TES: variants seen among roughly 807,000 people sequenced by gnomAD.
The protein encoded by TES is testin LIM domain protein, also known as testin.
In TES, 41 loss-of-function variants were observed where a neutral mutation model predicts 48.2. The observed-to-expected ratio is 0.85, with a 90% CI of 0.66 to 1.10. The LOEUF is 1.10. Ranked by LOEUF, TES falls within the 50% of genes least tolerant of loss-of-function variation. TES has a pLI of 0.00. For synonymous variants in TES, 162 were observed against 174.9 expected (o/e 0.93, Z 0.58); for missense variants, 463 against 515.1 (o/e 0.90, Z 0.98).
chr7:116,233,272 C>T (rs554922849), intron 1 of TES, among the ~76,000 whole-genome samples: 96 of 152,258 alleles, frequency 6.3e-4, no homozygotes, highest in African/African-American at 2.0e-3. Flanking sequence ...CAATATCAGT[C>T]GTTGGGTAAA....
At chr7:116,217,942 T>G in intron 1 of TES, 1 of 503,300 alleles carries the variant, frequency 2.0e-6, no homozygotes. Flanking sequence ...TATAATTTTC[T>G]AAGTATCACT....
intron 2 of TES, 55 bp from the exon 3 acceptor site, chr7:116,248,965 C>A: frequency 6.8e-7 from 1 of 1,476,198 alleles, no homozygotes; most frequent in Admixed American, 2.3e-5. Flanking sequence ...AATGTATGAA[C>A]ATAAATATCA....
rs1483427778 is a variant in TES at position 116,234,544 on chromosome 7, G to T, written c.38G>T (p.Gly13Val). The T allele has an allele frequency of 6.2e-7, 1 of 1,613,780 alleles. No individual in the cohort carries two copies. Among genetic ancestry groups the T allele is most frequent in the South Asian group, 1.1e-5 (1 of 91,074 alleles). ...TTTTCTTTTTAACAGATGGGCTTAG[G>T]TCACGAGCAAGGATTTGGAGCCCCT... The part of the protein sequence containing the change: ...LENKVKKMGL[G>V]HEQGFGAPCL... The change falls in exon 2 of 7, where the codon GGT becomes GTT. Residue 13 changes from glycine to valine, a missense_variant. Physicochemically the swap from Gly to Val is moderately radical, Grantham distance 109. Coordinates refer to ENST00000358204, the MANE Select transcript of TES (RefSeq NM_015641.4).
At chr7:116,235,719 G>A (rs1799761604) in intron 2 of TES, among the ~76,000 whole-genome samples, 1 of 152,158 alleles carries the variant, frequency 6.6e-6, no homozygotes, top group African/African-American at 2.4e-5. Context: ...TAGGATGGCA[G>A]CTACCTTGTT....
At chr7:116,219,836 G>A (rs1166464194) in intron 1 of TES, among the ~76,000 whole-genome samples, 1 of 152,106 alleles carries the variant, frequency 6.6e-6, no homozygotes, top group African/African-American at 2.4e-5. Flanking sequence ...TATTCTGTAT[G>A]GTATCAGACT....
At chr7:116,234,917 G>A (rs1799748029) in intron 2 of TES, among the ~76,000 whole-genome samples, 1 of 152,070 alleles carries the variant, frequency 6.6e-6, no homozygotes, top group African/African-American at 2.4e-5. Context: ...TAAGTTTGTG[G>A]TAATCCTCCA....
intron 1 of TES, among the ~76,000 whole-genome samples, chr7:116,225,097 A>G (rs1193457521): frequency 6.6e-6 from 1 of 151,516 alleles, no homozygotes; most frequent in African/African-American, 2.4e-5. Context: ...TAACATTTTA[A>G]CAAACGGTGG....
chr7:116,210,749 G>A lies in TES; in HGVS notation c.27+15G>A. ...AAGTGAAGAAGGTAGGGGGGCGCTC[G>A]TGGCGGGCGGCGGCTGCTTCACCTG... On this transcript the variant is annotated intron_variant, in intron 1 of 6. Coordinates refer to ENST00000358204, the MANE Select transcript of TES (RefSeq NM_015641.4). 1 of 1,240,834 alleles carries A rather than the reference G, an allele frequency of 8.1e-7. No homozygotes were observed. The highest frequency in any genetic ancestry group is 1.0e-6 in the Non-Finnish European group (1 of 982,434). 76.9% of individuals were successfully genotyped at this position (1,240,834 alleles called of 1,614,324 possible).
Position 116,228,917 on chromosome 7 carries a change from C to T in TES, c.28-5617C>T, listed in dbSNP as rs201236571. 2.1e-3 allele frequency among the ~76,000 whole-genome samples: 310 copies of T among 150,062 alleles called. 1 individual carries two copies. The highest frequency in any genetic ancestry group is 7.5e-3 in the African/African-American group (304 of 40,688). On this transcript the variant is annotated intron_variant, in intron 1 of 6. Transcript: ENST00000358204. ...TGAACACGCCAGTGACACTCTGTGACCAGAACACAGGTTTCCTGACTCTCC... is the reference window on the plus strand; with the variant it reads ...TGAACACGCCAGTGACACTCTGTGATCAGAACACAGGTTTCCTGACTCTCC...
In TES at chr7:116,230,083, A is replaced by G. The variant is rs575067016; in HGVS notation, c.28-4451A>G. ...AAGTTTATTGCCAGTCTGAAACTCT[A>G]ATTTCTCTAGCTGCTAAAAGTGATT... On this transcript the variant is annotated intron_variant, in intron 1 of 6. Coordinates refer to ENST00000358204, the MANE Select transcript of TES (RefSeq NM_015641.4). Among the ~76,000 whole-genome samples the G allele has an allele frequency of 5.3e-5, 8 of 152,292 alleles. No individual in the cohort carries two copies. In the East Asian group the frequency reaches 1.5e-3, roughly 29 times the overall value.
chr7:116,222,238 G>A lies in TES; in HGVS notation c.27+11504G>A, dbSNP rs147443065. 2.6e-3 allele frequency among the ~76,000 whole-genome samples: 398 copies of A among 152,218 alleles called. 1 individual carries two copies. The highest frequency in any genetic ancestry group is 5.2e-3 in the Admixed American group (79 of 15,294). ...GACTTTGTTTTTGTTCTAAATGCCT[G>A]TGAATGCTAATTTGGGGCAAAAGAG... On this transcript the variant is annotated intron_variant, in intron 1 of 6. Coordinates refer to ENST00000358204, the MANE Select transcript of TES (RefSeq NM_015641.4).
In TES at chr7:116,226,694, TATG is replaced by T. The variant is rs1181301740; in HGVS notation, c.28-7836_28-7834del. Among the ~76,000 whole-genome samples the T allele has an allele frequency of 2.0e-5, 3 of 152,300 alleles. No individual in the cohort carries two copies. In the East Asian group the frequency reaches 5.8e-4, roughly 29 times the overall value. ...TTAGGAGAGTGTGGTCTCAGGATGA[TATG>T]ATGTGAGTTTGAACATGAACACTCG... is the stretch of plus-strand genomic sequence containing the variant. On this transcript the variant is annotated intron_variant, in intron 1 of 6. Transcript: ENST00000358204.
In TES at chr7:116,249,134, T is replaced by G; in HGVS notation, c.228T>G (p.Ile76Met). The G allele has an allele frequency of 1.9e-6, 3 of 1,614,096 alleles. No homozygotes were observed. The highest frequency in any genetic ancestry group is 2.2e-5 in the East Asian group (1 of 44,866). ...AAGACACCAAGTATACCACTCTGAT[T>G]GCAAAACTAAAGTCAGATGGAATTC... ...LFEDTKYTTL[I>M]AKLKSDGIPM... The change falls in exon 3 of 7, where the codon ATT (isoleucine) becomes ATG (methionine). Residue 76 changes from isoleucine to methionine, a missense_variant. Ile to Met is a conservative substitution (Grantham distance 10). Coordinates refer to ENST00000358204, the MANE Select transcript of TES (RefSeq NM_015641.4).
At chr7:116,234,717 T>C in intron 2 of TES, 98 bp downstream of exon 2, 2 of 945,958 alleles carry the variant, frequency 2.1e-6, no homozygotes, top group Non-Finnish European at 3.4e-6. Flanking sequence ...GCATGGTTGC[T>C]AAGTTGCAGA....
At position 116,245,053 on chromosome 7, in the gene TES, G is replaced by A. The variant is rs1341001603; in HGVS notation, c.114-3967G>A. On this transcript the variant is annotated intron_variant, in intron 2 of 6. Transcript: ENST00000358204. ...CCACGACAGCATTTTTCCCTCCTAG[G>A]CCTCCAGGCCTGTGATGGGAGGGGC... Among the ~76,000 whole-genome samples, 3 of 152,114 alleles carry A rather than the reference G, an allele frequency of 2.0e-5. No homozygotes were observed. In the East Asian group the frequency reaches 5.8e-4, roughly 29 times the overall value.
chr7:116,256,451 C>A (rs1375580573), intron 6 of TES, among the ~76,000 whole-genome samples: 3 of 152,178 alleles, frequency 2.0e-5, no homozygotes, highest in Non-Finnish European at 4.4e-5. Context: ...CAGCCATATT[C>A]ATTCAGAACA....
At chr7:116,256,629 TTGTA>T (rs1017407872) in intron 6 of TES, among the ~76,000 whole-genome samples, 2 of 152,168 alleles carry the variant, frequency 1.3e-5, no homozygotes, top group Non-Finnish European at 2.9e-5. Context: ...ATATACATGT[TTGTA>T]TGTCATGTAT....
At chr7:116,247,676 A>G (rs1799946554) in intron 2 of TES, among the ~76,000 whole-genome samples, 1 of 152,244 alleles carries the variant, frequency 6.6e-6, no homozygotes, top group South Asian at 2.1e-4. Context: ...TTGACAAAAC[A>G]CACTGAATTT....
At chr7:116,242,685 G>T (rs1318123688) in intron 2 of TES, among the ~76,000 whole-genome samples, 2 of 152,006 alleles carry the variant, frequency 1.3e-5, no homozygotes, top group African/African-American at 2.4e-5. Context: ...GTTTTTAGTT[G>T]TTTTTTCTGT....
Sources: allele counts gnomAD v4.1 joint callset (sites outside exome capture counted in the v4.1 genomes callset), GRCh38; gene constraint gnomAD v4.1.1; transcripts MANE v1.5; gene names NCBI Gene and HGNC (gene_info 2026-07-23, HGNC 2026-07-21).